The following MCTP1 variants were observed in gnomAD, a reference collection of about 807,000 sequenced individuals.
MCTP1 encodes the protein multiple C2 and transmembrane domain-containing protein 1.
A neutral mutation model predicts 120.6 loss-of-function variants in MCTP1; 69 were observed. That is an observed-to-expected ratio of 0.57 (90% CI 0.47 to 0.70). The LOEUF (loss-of-function observed/expected upper bound fraction) is 0.70. Ranked by LOEUF, MCTP1 falls within the 30% of genes least tolerant of loss-of-function variation. MCTP1 has a pLI of 0.00. For missense variants in MCTP1, 1,203 were observed against 1,248.8 expected, an observed-to-expected ratio of 0.96 and a Z score of 0.55; for synonymous variants, 529 against 493.1, an observed-to-expected ratio of 1.07 and a Z score of -0.96.
intron 19 of MCTP1, among the ~76,000 whole-genome samples, chr5:94,755,933 A>C (rs1397582121): frequency 6.6e-6 from 1 of 152,198 alleles, no homozygotes; most frequent in Non-Finnish European, 1.5e-5. Context: ...TTCAAACTCG[A>C]CATGTTAGAA....
intron 17 of MCTP1, among the ~76,000 whole-genome samples, chr5:94,846,845 G>A (rs1303702236): frequency 6.7e-6 from 1 of 148,666 alleles, no homozygotes; most frequent in Non-Finnish European, 1.5e-5. Context: ...GTGTGTGTGT[G>A]GTCTTCTAAA....
chr5:94,715,145 G>GCAGAA (rs1373581303), intron 19 of MCTP1, among the ~76,000 whole-genome samples: 1 of 151,932 alleles, frequency 6.6e-6, no homozygotes, highest in East Asian at 1.9e-4. Flanking sequence ...GCCCTGATGA[G>GCAGAA]CAGAAGAAAC....
chr5:95,086,787 G>A (rs948454539), intron 1 of MCTP1, among the ~76,000 whole-genome samples: 3 of 152,044 alleles, frequency 2.0e-5, no homozygotes, highest in African/African-American at 7.2e-5. Context: ...TATTAGAGAT[G>A]GTGAAAATTT....
At chr5:95,087,115 G>A (rs906658208) in intron 1 of MCTP1, among the ~76,000 whole-genome samples, 6 of 152,154 alleles carry the variant, frequency 3.9e-5, no homozygotes, top group African/African-American at 1.4e-4. Context: ...CACATTTCCT[G>A]AGGCAGATTA....
chr5:94,749,557 A>AG (rs896124238), intron 19 of MCTP1, among the ~76,000 whole-genome samples: 1 of 146,048 alleles, frequency 6.8e-6, no homozygotes, highest in African/African-American at 2.5e-5. Context: ...CAGGAGGCTG[A>AG]GGCAGGAGAA....
chr5:95,053,541 C>G lies in MCTP1; in HGVS notation c.721-36057G>C, dbSNP rs73138092. On this transcript the variant is annotated intron_variant, in intron 1 of 22. Transcript: ENST00000515393. ...TTGAGATTCCACGACTATTGAGAGA[C>G]CACGATTGCAGGCTATTGACAGACC... Among the ~76,000 whole-genome samples, 1,306 of 152,230 alleles carry G rather than the reference C, an allele frequency of 8.6e-3. 17 individuals are homozygous for G. The highest frequency in any genetic ancestry group is 0.03 in the African/African-American group (1,237 of 41,540).
chr5:94,826,371 C>T (rs997577463), intron 17 of MCTP1: 18 of 585,698 alleles, frequency 3.1e-5, no homozygotes, highest in South Asian at 2.5e-4. Context: ...AAAGAAGCTG[C>T]AACAGCTTTC....
intron 1 of MCTP1, among the ~76,000 whole-genome samples, chr5:95,243,254 A>G (rs1270626593): frequency 3.3e-5 from 5 of 152,262 alleles, no homozygotes; most frequent in African/African-American, 1.2e-4. Context: ...TTGGAAAAAT[A>G]TAAGTTTTCA....
intron 6 of MCTP1, among the ~76,000 whole-genome samples, chr5:94,924,398 G>A (rs1046982626): frequency 1.3e-5 from 2 of 152,090 alleles, no homozygotes; most frequent in African/African-American, 2.4e-5. Context: ...TTGAACTTCA[G>A]AGCATTTTTA....
chr5:94,940,527 A>AGT (rs1243056257), intron 4 of MCTP1, among the ~76,000 whole-genome samples: 3 of 144,566 alleles, frequency 2.1e-5, no homozygotes, highest in Non-Finnish European at 4.5e-5. Flanking sequence ...CATATACACA[A>AGT]GTGTGTGTGT....
At chr5:95,039,847 A>T (rs1842011715) in intron 1 of MCTP1, among the ~76,000 whole-genome samples, 1 of 146,920 alleles carries the variant, frequency 6.8e-6, no homozygotes, top group Non-Finnish European at 1.5e-5. Flanking sequence ...CAAAGTGAAC[A>T]GGAGTTTATG....
intron 1 of MCTP1, among the ~76,000 whole-genome samples, chr5:95,280,920 C>T (rs957565010): frequency 4.6e-5 from 7 of 152,098 alleles, no homozygotes; most frequent in Admixed American, 6.5e-5. Flanking sequence ...TGTCAGAGTA[C>T]GTGCACATAT....
At chr5:95,088,610 G>A (rs140199827) in intron 1 of MCTP1, among the ~76,000 whole-genome samples, 150 of 152,272 alleles carry the variant, frequency 9.9e-4, no homozygotes, top group African/African-American at 3.5e-3. Flanking sequence ...GCGGAGTTGG[G>A]ATTAGAACCT....
At chr5:95,197,553 T>C (rs1190880926) in intron 1 of MCTP1, among the ~76,000 whole-genome samples, 1 of 152,052 alleles carries the variant, frequency 6.6e-6, no homozygotes, top group Non-Finnish European at 1.5e-5. Flanking sequence ...CACAGTAAGA[T>C]CTCTACGACA....
At chr5:94,760,532 C>T (rs896230644) in intron 19 of MCTP1, among the ~76,000 whole-genome samples, 3 of 152,148 alleles carry the variant, frequency 2.0e-5, no homozygotes, top group African/African-American at 7.2e-5. Flanking sequence ...GGATACTTGG[C>T]TAAGACTCCA....
chr5:94,869,162 A>G (rs1345163210), intron 16 of MCTP1, among the ~76,000 whole-genome samples: 1 of 152,042 alleles, frequency 6.6e-6, no homozygotes, highest in East Asian at 1.9e-4. Flanking sequence ...GCATGACTAC[A>G]ACTGTAAAAA....
At chr5:95,043,686 G>C (rs1011151122) in intron 1 of MCTP1, among the ~76,000 whole-genome samples, 2 of 152,134 alleles carry the variant, frequency 1.3e-5, no homozygotes, top group Non-Finnish European at 2.9e-5. Flanking sequence ...TAGTGAGACT[G>C]TCTTTCCTGT....
intron 17 of MCTP1, among the ~76,000 whole-genome samples, chr5:94,857,707 T>G (rs1161907296): frequency 1.3e-5 from 2 of 151,710 alleles, no homozygotes; most frequent in Non-Finnish European, 3.0e-5. Flanking sequence ...TGTCAAAGCA[T>G]TTCATACAGA....
At chr5:95,086,385 C>A (rs1755444559) in intron 1 of MCTP1, among the ~76,000 whole-genome samples, 1 of 152,052 alleles carries the variant, frequency 6.6e-6, no homozygotes, top group Non-Finnish European at 1.5e-5. Flanking sequence ...GGAGAAGTAA[C>A]CATGTGCCAG....
Sources: gnomAD v4.1 joint callset for allele counts (sites outside exome capture counted in the v4.1 genomes callset) on GRCh38, gnomAD v4.1.1 for gene constraint, MANE v1.5 for transcripts, NCBI Gene and HGNC (gene_info 2026-07-23, HGNC 2026-07-21) for gene names.